Variants in WDR86 observed in about 807,000 individuals in gnomAD.
WDR86 encodes WD repeat domain 86, also known as WD repeat-containing protein 86.
WDR86 carries 30 observed loss-of-function variants against 36.5 expected under a neutral mutation model. That is an observed-to-expected ratio of 0.82 (90% confidence interval 0.61 to 1.11). The LOEUF (loss-of-function observed/expected upper bound fraction) is 1.11. Among genes scored for constraint, WDR86 ranks in the 50% most tolerant of loss-of-function variants. The probability of loss-of-function intolerance (pLI) is 0.00; values close to 1 mark genes in which losing one functional copy is unlikely to be tolerated. For missense variants in WDR86, 545 were observed against 561.2 expected (o/e 0.97, Z 0.29); for synonymous variants, 255 against 252.9 (o/e 1.01, Z -0.08).
downstream of WDR86, chr7:151,381,087 A>G: frequency 8.7e-7 from 1 of 1,152,686 alleles, no homozygotes; most frequent in Non-Finnish European, 1.1e-6. The surrounding 1 kb of genome is among the most constrained non-coding windows in gnomAD (Gnocchi z 4.8). Context: ...AGAAGCTGAG[A>G]CTCAGTTTGC....
At chr7:151,408,260 G>A (rs896131717) in intron 1 of WDR86, among the ~76,000 whole-genome samples, 8 of 145,818 alleles carry the variant, frequency 5.5e-5, no homozygotes, top group African/African-American at 1.0e-4. Context: ...GCAGTGGCAC[G>A]ATCTTGGCTC....
chr7:151,396,280 C>T, intron 2 of WDR86, 84 bp from the exon 3 acceptor site: 1 of 1,489,142 alleles, frequency 6.7e-7, no homozygotes. Context: ...ATGCTCGGCA[C>T]TGCAGCTAAA....
intron 1 of WDR86, among the ~76,000 whole-genome samples, chr7:151,404,353 G>T (rs1800557270): frequency 6.6e-6 from 1 of 152,218 alleles, no homozygotes; most frequent in Non-Finnish European, 1.5e-5. Context: ...CTGTGGACAG[G>T]CCTCTTCCCC....
downstream of WDR86, chr7:151,377,106 G>C (rs375774682): frequency 1.5e-5 from 24 of 1,584,652 alleles, no homozygotes; most frequent in African/African-American, 2.6e-4. Flanking sequence ...TGAGATACTG[G>C]AAGACATTCC....
chr7:151,377,007 C>A, downstream of WDR86: 1 of 1,485,972 alleles, frequency 6.7e-7, no homozygotes, highest in Non-Finnish European at 9.0e-7. Flanking sequence ...CCAGGACAAT[C>A]CTCACATAAT....
chr7:151,402,070 A>ATATATATAT (rs1554425363), intron 1 of WDR86, among the ~76,000 whole-genome samples: 2 of 50,532 alleles, frequency 4.0e-5, no homozygotes, highest in African/African-American at 2.4e-4. Context: ...AAAAAAAAAA[A>ATATATATAT]ATATATATAT....
At chr7:151,399,324 A>G (rs1355840354) in intron 2 of WDR86, among the ~76,000 whole-genome samples, 1 of 151,998 alleles carries the variant, frequency 6.6e-6, no homozygotes, top group Non-Finnish European at 1.5e-5. Context: ...GTCAGAGCTC[A>G]ACCAACAGCA....
intron 3 of WDR86, among the ~76,000 whole-genome samples, chr7:151,395,494 GACAC>G (rs57122668): frequency 0.04 from 5,935 of 147,060 alleles, 289 homozygotes; most frequent in African/African-American, 0.11. Flanking sequence ...AAGAGATTAG[GACAC>G]ACACACACAC....
At chr7:151,402,523 C>A (rs1800417438) in intron 1 of WDR86, among the ~76,000 whole-genome samples, 1 of 152,154 alleles carries the variant, frequency 6.6e-6, no homozygotes, top group Non-Finnish European at 1.5e-5. Context: ...CTGGCTGGGG[C>A]TCGGGAGAGA....
intron 1 of WDR86, among the ~76,000 whole-genome samples, chr7:151,402,091 A>ATATATATATATC (rs1365492180): frequency 2.4e-5 from 3 of 124,198 alleles, no homozygotes; most frequent in Non-Finnish European, 4.9e-5. Flanking sequence ...ATATATATAT[A>ATATATATATATC]TCTCCACAAA....
intron 2 of WDR86, among the ~76,000 whole-genome samples, chr7:151,398,844 T>G (rs1376886642): frequency 6.6e-6 from 1 of 152,206 alleles, no homozygotes; most frequent in African/African-American, 2.4e-5. Context: ...GAGGGCCCAC[T>G]GGTCACTGCA....
chr7:151,370,499 A>G, the WDR86 span, among the ~76,000 whole-genome samples: 1 of 152,160 alleles, frequency 6.6e-6, no homozygotes, highest in Non-Finnish European at 1.5e-5. Flanking sequence ...CACTACCAGT[A>G]AGAATTTATT....
At chr7:151,397,804 C>T (rs75202876) in intron 2 of WDR86, among the ~76,000 whole-genome samples, 722 of 30,680 alleles carry the variant, frequency 0.024, 3 homozygotes, top group East Asian at 0.055. Flanking sequence ...GGAGGAAGGG[C>T]ATAGCGGGAG....
chr7:151,409,183 A>T lies in WDR86; in HGVS notation c.163+244T>A. 1 of 621,208 alleles carries T rather than the reference A, an allele frequency of 1.6e-6. No homozygotes were observed. The highest frequency in any genetic ancestry group is 3.0e-6 in the Non-Finnish European group (1 of 338,608). 38.5% of individuals were successfully genotyped at this position (621,208 alleles called of 1,614,324 possible). A position where few individuals can be genotyped will look rare whatever the true frequency, so the allele number is the denominator to read the frequency against. On this transcript the variant is annotated intron_variant, in intron 1 of 5. Coordinates refer to ENST00000334493, the MANE Select transcript of WDR86 (RefSeq NM_198285.3). The surrounding 1 kb of genome is among the most constrained non-coding windows in gnomAD (Gnocchi z 5.2). ...TCGCCTTTGTAGCGGACGCCCCTCG[A>T]CCCACCCACCCGATCCCGGCCGCAC...
chr7:151,374,548 C>T (rs118017776), downstream of WDR86: 6,562 of 450,480 alleles, frequency 0.015, 65 homozygotes, highest in Non-Finnish European at 0.02. Flanking sequence ...GTGAAACAGG[C>T]AGTTTCCACG....
intron 3 of WDR86, among the ~76,000 whole-genome samples, chr7:151,391,139 G>A (rs1215686148): frequency 1.3e-5 from 2 of 152,260 alleles, no homozygotes; most frequent in African/African-American, 2.4e-5. Context: ...ATCTGATGAA[G>A]GCTGTGGCGG....
At chr7:151,394,901 C>T (rs1038357501) in intron 3 of WDR86, among the ~76,000 whole-genome samples, 2 of 152,246 alleles carry the variant, frequency 1.3e-5, no homozygotes, top group African/African-American at 4.8e-5. Flanking sequence ...CTCTTCAGGC[C>T]AGACTCTGCC....
chr7:151,408,957 C>T (rs1397531155), intron 1 of WDR86: 4 of 473,028 alleles, frequency 8.5e-6, no homozygotes, highest in Non-Finnish European at 1.8e-5. Context: ...TTCTCCGCAC[C>T]GCTGGCCCTT....
downstream of WDR86, chr7:151,378,156 C>T (rs1485879519): frequency 1.3e-5 from 2 of 152,298 alleles, no homozygotes; most frequent in Admixed American, 6.5e-5. Flanking sequence ...CAGTAACCGT[C>T]CTCACTGCGC....
Sources: gnomAD v4.1 joint callset for allele counts (sites outside exome capture counted in the v4.1 genomes callset) on GRCh38, gnomAD v4.1.1 for gene constraint, Gnocchi (gnomAD v3.1) non-coding constraint, MANE v1.5 for transcripts, NCBI Gene and HGNC (gene_info 2026-07-23, HGNC 2026-07-21) for gene names.